RRBP1: variants seen among roughly 807,000 people sequenced by gnomAD.
The protein encoded by RRBP1 is ribosome-binding protein 1.
RRBP1 carries 94 observed loss-of-function variants against 165.2 expected under a neutral mutation model. The ratio of observed to expected loss-of-function variants is 0.57; its 90% CI spans 0.48 to 0.68. The LOEUF is 0.68. Ranked by LOEUF, RRBP1 falls within the 30% of genes least tolerant of loss-of-function variation. RRBP1 has a pLI of 0.00. For synonymous variants in RRBP1, 680 were observed against 714.5 expected (o/e 0.95, Z 0.77); for missense variants, 1,676 against 1,763.0 (o/e 0.95, Z 0.88).
intron 3 of RRBP1, among the ~76,000 whole-genome samples, chr20:17,645,056 C>T (rs574428739): frequency 1.8e-4 from 27 of 152,340 alleles, no homozygotes; most frequent in African/African-American, 6.3e-4. Flanking sequence ...TGCTGAATTC[C>T]TGGCAGCCCC....
rs2036407324 is a variant in RRBP1, at chr20:17,643,562, T to C, written c.1913-435A>G. On this transcript the variant is annotated intron_variant, in intron 3 of 24. Transcript: ENST00000377813. The surrounding 1 kb of genome is among the most constrained non-coding windows in gnomAD (Gnocchi z 4.3). ...GCTGTGACTGAGCCCCGTGGCCTTG[T>C]GGGACCTGACTGGGCAGCGAATTTA... Among the ~76,000 whole-genome samples the C allele has an allele frequency of 6.6e-6, 1 of 152,086 alleles. No individual in the cohort carries two copies. Among genetic ancestry groups the C allele is most frequent in the South Asian group, 2.1e-4 (1 of 4,822 alleles).
intron 13 of RRBP1, chr20:17,623,222 C>G (rs2035949558): frequency 6.6e-6 from 1 of 152,288 alleles, no homozygotes; most frequent in Non-Finnish European, 1.5e-5. Context: ...TTCTAGGAGT[C>G]TAACTATAGC....
intron 5 of RRBP1, among the ~76,000 whole-genome samples, chr20:17,640,048 G>A (rs1278354060): frequency 6.6e-6 from 1 of 152,192 alleles, no homozygotes; most frequent in Non-Finnish European, 1.5e-5. Flanking sequence ...ACTCAGAAAT[G>A]CTTCCAGGCT....
rs905706572 is a variant in RRBP1 at position 17,633,322 on chromosome 20, C to A, written c.2610+138G>T. On this transcript the variant is annotated intron_variant, in intron 8 of 24. Coordinates refer to ENST00000377813, the MANE Select transcript of RRBP1 (RefSeq NM_001365613.2). ...GTGAAGAGTTTGAGCCCCAGCCCTG[C>A]AGACACCATCATCTGTCCCAGTCAA... 6 of 924,054 alleles carry A rather than the reference C, an allele frequency of 6.5e-6. No homozygotes were observed. In the African/African-American group the frequency reaches 9.9e-5, roughly 15 times the overall value. 57.2% of individuals were successfully genotyped at this position (924,054 alleles called of 1,614,324 possible).
At chr20:17,654,547 A>G (rs1252690950) in intron 3 of RRBP1, among the ~76,000 whole-genome samples, 2 of 152,198 alleles carry the variant, frequency 1.3e-5, no homozygotes, top group Non-Finnish European at 2.9e-5. Flanking sequence ...TGTGTTTGCT[A>G]GTGACTCCCT....
chr20:17,659,777 C>G lies in RRBP1; in HGVS notation c.731G>C (p.Gly244Ala), dbSNP rs1377061974. ...TGCCTTTTTGCCTTGGTTTGGGGTTCCCTCTGCCTTTTTCCCTTGGTTTGG... is the reference window on the plus strand; with the variant it reads ...TGCCTTTTTGCCTTGGTTTGGGGTTGCCTCTGCCTTTTTCCCTTGGTTTGG... ...GTPNQGKKAE[G>A]TPNQGKKAEG... The change falls in exon 3 of 25, where the codon GGA (glycine) becomes GCA (alanine). Residue 244 changes from glycine to alanine, a missense_variant. Gly to Ala is a moderately conservative substitution (Grantham distance 60). Around this residue, in one of 5 missense-constraint regions of RRBP1, gnomAD observed 392 missense variants for 382.5 expected, o/e 1.02. Transcript: ENST00000377813. The G allele has an allele frequency of 6.4e-7, 1 of 1,550,466 alleles. No individual in the cohort carries two copies. Among genetic ancestry groups the G allele is most frequent in the African/African-American group, 1.4e-5 (1 of 73,066 alleles).
chr20:17,635,732 T>C, intron 6 of RRBP1, 68 bp from the exon 7 acceptor site: 1 of 1,203,012 alleles, frequency 8.3e-7, no homozygotes, highest in Non-Finnish European at 1.2e-6. Context: ...TTCTGAGCAG[T>C]GGTTAGTGAA....
chr20:17,680,336 G>A lies in RRBP1; in HGVS notation c.-98-261C>T, dbSNP rs568729044. On this transcript the variant is annotated intron_variant, in intron 1 of 24. Transcript: ENST00000377813. The stretch of plus-strand genomic sequence containing the variant: ...CAGACAGACGTCCTGGGTCTCTGGG[G>A]ACACCCAGTTCTGAAGAGGTATCTA... Among the ~76,000 whole-genome samples, 13 of 152,280 alleles carry A rather than the reference G, an allele frequency of 8.5e-5. No homozygotes were observed. In the South Asian group the frequency reaches 2.7e-3, roughly 32 times the overall value.
At chr20:17,644,304 C>T (rs2036424338) in intron 3 of RRBP1, among the ~76,000 whole-genome samples, 1 of 152,038 alleles carries the variant, frequency 6.6e-6, no homozygotes, top group African/African-American at 2.4e-5. Context: ...TCATGGGTGC[C>T]ACGAAAACAG....
rs138279227 is a variant in RRBP1, at chr20:17,620,305, C to G, written c.3573G>C (p.Ser1191=). 1 of 1,612,824 alleles carries G rather than the reference C, an allele frequency of 6.2e-7. No individual in the cohort carries two copies. Among genetic ancestry groups the G allele is most frequent in the Non-Finnish European group, 8.5e-7 (1 of 1,178,966 alleles). ...VEKLKGELES[S]DQVREHTSHL... Reference sequence around the variant, plus strand: ...CTCTGAGCAGAGCACATACCTGGTCCGAACTTTCAAGTTCTCCTTTTAGCT... The same window carrying G: ...CTCTGAGCAGAGCACATACCTGGTCGGAACTTTCAAGTTCTCCTTTTAGCT... The change falls in exon 18 of 25, where the codon TCG becomes TCC. Residue 1191 remains serine, a synonymous_variant. Coordinates refer to ENST00000377813, the MANE Select transcript of RRBP1 (RefSeq NM_001365613.2).
rs2036262506 is a variant in RRBP1 at position 17,637,105 on chromosome 20, CACCT to C, written c.2185-380_2185-377del. On this transcript the variant is annotated intron_variant, in intron 5 of 24. Transcript: ENST00000377813. ...TCACCAACATCCAGGGCCCCTGGGA[CACCT>C]ACTTCTACTCAAGTGCCTTCATCAG... Among the ~76,000 whole-genome samples the C allele has an allele frequency of 2.0e-5, 3 of 151,900 alleles. No homozygotes were observed. In the South Asian group the frequency reaches 6.2e-4, roughly 32 times the overall value.
At chr20:17,626,205 G>C (rs1385686860) in intron 11 of RRBP1, among the ~76,000 whole-genome samples, 1 of 152,154 alleles carries the variant, frequency 6.6e-6, no homozygotes, top group Non-Finnish European at 1.5e-5. Context: ...CATGATGCAA[G>C]AAAATTCAGA....
chr20:17,635,676 C>CGG lies in RRBP1; in HGVS notation c.2338-14_2338-13dup, dbSNP rs752249426. 7 of 1,605,304 alleles carry CGG rather than the reference C, an allele frequency of 4.4e-6. No homozygotes were observed. Among genetic ancestry groups the CGG allele is most frequent in the Admixed American group, 1.7e-5 (1 of 59,898 alleles). On this transcript the variant is annotated splice_polypyrimidine_tract_variant and intron_variant, in intron 6 of 24. Coordinates refer to ENST00000377813, the MANE Select transcript of RRBP1 (RefSeq NM_001365613.2). Reference sequence around the variant, plus strand: ...TGAAGAGTCCGGATCTGGAAAGTCACGGGCAAGGGCATCAGAGGCAGCTCG... The same window carrying CGG: ...TGAAGAGTCCGGATCTGGAAAGTCACGGGGGCAAGGGCATCAGAGGCAGCTCG...
chr20:17,627,239 C>T (rs2036043283), intron 11 of RRBP1, 109 bp downstream of exon 11: 1 of 1,071,418 alleles, frequency 9.3e-7, no homozygotes, highest in Non-Finnish European at 1.4e-6. Context: ...CTGAAAGGGG[C>T]TCTTCTGCAG....
intron 3 of RRBP1, among the ~76,000 whole-genome samples, chr20:17,645,421 A>C (rs77618083): frequency 0.12 from 18,298 of 152,332 alleles, 1,416 homozygotes; most frequent in Middle Eastern, 0.24. Context: ...GCGTACAGCA[A>C]AATGTTAACG....
chr20:17,630,186 C>A (rs1281164023), intron 8 of RRBP1, among the ~76,000 whole-genome samples: 1 of 152,260 alleles, frequency 6.6e-6, no homozygotes, highest in Admixed American at 6.5e-5. Context: ...CCCACACTCA[C>A]TTCCCAGTTC....
intron 8 of RRBP1, among the ~76,000 whole-genome samples, chr20:17,630,671 G>C (rs971069019): frequency 3.3e-5 from 5 of 152,108 alleles, no homozygotes; most frequent in Non-Finnish European, 7.4e-5. Context: ...ACCTGTAAAG[G>C]ATTCCCACAC....
At chr20:17,661,991 G>A (rs965612785) in intron 2 of RRBP1, among the ~76,000 whole-genome samples, 1 of 152,200 alleles carries the variant, frequency 6.6e-6, no homozygotes, top group African/African-American at 2.4e-5. Flanking sequence ...GGCCGGGCGC[G>A]GTGGCTCACG....
intron 3 of RRBP1, among the ~76,000 whole-genome samples, chr20:17,657,924 T>C (rs1195336520): frequency 6.6e-6 from 1 of 152,092 alleles, no homozygotes; most frequent in Admixed American, 6.5e-5. Context: ...GATACCCGAG[T>C]CAGGCTGCAC....
Sources: gnomAD v4.1 joint callset for allele counts (sites outside exome capture counted in the v4.1 genomes callset) on GRCh38, gnomAD v4.1.1 for gene constraint, gnomAD v4.1.1 regional missense constraint, Gnocchi (gnomAD v3.1) non-coding constraint, MANE v1.5 for transcripts, NCBI Gene and HGNC (gene_info 2026-07-23, HGNC 2026-07-21) for gene names.